The following TRIQK variants were observed in gnomAD, a reference collection of about 807,000 sequenced individuals.
TRIQK encodes the protein triple QxxK/R motif-containing protein.
In TRIQK, 10 loss-of-function variants were observed where a neutral mutation model predicts 10.8. That is an observed-to-expected ratio of 0.92 (90% CI 0.57 to 1.57). The LOEUF (loss-of-function observed/expected upper bound fraction) is 1.57, where lower values mean the gene tolerates loss of function less well. Ranked by LOEUF, TRIQK falls within the 40% of genes most tolerant of loss-of-function variation. The pLI is 0.00. For synonymous variants in TRIQK, 33 were observed against 33.7 expected (o/e 0.98, Z 0.07); for missense variants, 107 against 97.7 (o/e 1.09, Z -0.40).
At chr8:93,010,641 A>T (rs1813322544) in intron 1 of TRIQK, among the ~76,000 whole-genome samples, 1 of 152,132 alleles carries the variant, frequency 6.6e-6, no homozygotes, top group African/African-American at 2.4e-5. Context: ...CTAGTTTCGC[A>T]TCCATTTAGT....
chr8:92,996,327 G>A (rs1241334078), intron 1 of TRIQK, among the ~76,000 whole-genome samples: 1 of 151,858 alleles, frequency 6.6e-6, no homozygotes, highest in African/African-American at 2.4e-5. Flanking sequence ...TGTTCTCATG[G>A]CATTTTAATT....
At chr8:92,927,618 T>A (rs547072880) in intron 2 of TRIQK, among the ~76,000 whole-genome samples, 24 of 152,278 alleles carry the variant, frequency 1.6e-4, no homozygotes, top group Admixed American at 1.4e-3. Context: ...GAAAACATTA[T>A]GGCAGATATG....
chr8:92,891,891 T>A, intron 4 of TRIQK, 98 bp downstream of exon 4: 2 of 855,024 alleles, frequency 2.3e-6, no homozygotes, highest in East Asian at 5.8e-5. Context: ...TTGTGAAATG[T>A]CATAAAACAT....
chr8:92,946,101 G>A (rs1201437409), intron 2 of TRIQK, among the ~76,000 whole-genome samples: 2 of 152,000 alleles, frequency 1.3e-5, no homozygotes, highest in Non-Finnish European at 2.9e-5. Context: ...AGAAAATAAT[G>A]AGTAAATTAT....
chr8:92,994,065 T>G (rs937204734), intron 1 of TRIQK, among the ~76,000 whole-genome samples: 4 of 152,184 alleles, frequency 2.6e-5, no homozygotes, highest in African/African-American at 9.6e-5. Flanking sequence ...CAGAACTGAC[T>G]AAAGAGCCCT....
At chr8:92,994,727 A>G (rs756987536) in intron 1 of TRIQK, among the ~76,000 whole-genome samples, 19 of 151,978 alleles carry the variant, frequency 1.3e-4, no homozygotes, top group Non-Finnish European at 2.9e-5. Flanking sequence ...CAAACCAGAT[A>G]CCACCTCTGA....
intron 2 of TRIQK, among the ~76,000 whole-genome samples, chr8:92,927,027 G>A (rs1810480022): frequency 6.6e-6 from 1 of 151,954 alleles, no homozygotes; most frequent in South Asian, 2.1e-4. Flanking sequence ...CTCCAGCTTG[G>A]GCAACAGACT....
intron 1 of TRIQK, among the ~76,000 whole-genome samples, chr8:93,000,882 T>TAAAAA (rs60359673): frequency 9.8e-5 from 12 of 122,184 alleles, no homozygotes; most frequent in African/African-American, 2.2e-4. Flanking sequence ...CACAAAGGAT[T>TAAAAA]AAAAAAAAAA....
At chr8:93,000,841 C>G (rs1334290054) in intron 1 of TRIQK, among the ~76,000 whole-genome samples, 1 of 133,918 alleles carries the variant, frequency 7.5e-6, no homozygotes, top group Non-Finnish European at 1.6e-5. Flanking sequence ...AGAATTAATT[C>G]AAAACATAGC....
In TRIQK at chr8:92,946,892, T is replaced by C. The variant is rs571670502; in HGVS notation, c.-22+7514A>G. Among the ~76,000 whole-genome samples, 170 of 151,994 alleles carry C rather than the reference T, an allele frequency of 1.1e-3. 1 individual carries two copies. The highest frequency in any genetic ancestry group is 4.0e-3 in the African/African-American group (167 of 41,484). On this transcript the variant is annotated intron_variant, in intron 2 of 4. Transcript: ENST00000521988. ...TCTCCTGCCTCAGCCTCAGAGTAGC[T>C]GGGACCGCAGGCGCCTGCCACCACG...
chr8:92,964,004 T>C (rs1047669555), intron 1 of TRIQK: 10 of 152,124 alleles, frequency 6.6e-5, no homozygotes, highest in African/African-American at 2.4e-4. Context: ...CAAAGGGCAT[T>C]TGGGATAAAA....
At chr8:92,953,762 T>A (rs1812030097) in intron 2 of TRIQK, 1 of 151,948 alleles carries the variant, frequency 6.6e-6, no homozygotes, top group African/African-American at 2.4e-5. Context: ...TTAGACCAGT[T>A]TAAGAGCTTT....
rs189192557 is a variant in TRIQK, at chr8:92,957,812, G to A, written c.-180-3248C>T. Among the ~76,000 whole-genome samples, 6 of 151,864 alleles carry A rather than the reference G, an allele frequency of 4.0e-5. No individual in the cohort carries two copies. The East Asian group carries it at 5.8e-4, about 15-fold the overall frequency. On this transcript the variant is annotated intron_variant, in intron 1 of 4. Transcript: ENST00000521988. ...ATTCTAAAAAAGTTTAATGATTTAC[G>A]TTTATTTAACAGCCTGCTCACATAA...
chr8:93,007,242 T>C (rs1179974176), intron 1 of TRIQK, among the ~76,000 whole-genome samples: 1 of 152,104 alleles, frequency 6.6e-6, no homozygotes, highest in Non-Finnish European at 1.5e-5. Context: ...CCCAGCAAAC[T>C]GCAGCAGCCC....
At chr8:92,951,923 C>A (rs1001528516) in intron 2 of TRIQK, among the ~76,000 whole-genome samples, 2 of 152,070 alleles carry the variant, frequency 1.3e-5, no homozygotes, top group Non-Finnish European at 2.9e-5. Context: ...AAAGCCAATG[C>A]TCACTAAATG....
rs974340457 is a variant in TRIQK at position 92,884,103 on chromosome 8, T to A, written c.*2519A>T. On this transcript the variant is annotated 3_prime_UTR_variant, in exon 5 of 5. Coordinates refer to ENST00000521988, the MANE Select transcript of TRIQK (RefSeq NM_001171797.2). The stretch of plus-strand genomic sequence containing the variant: ...AAATCATTACAATTTTTTCTGTTTT[T>A]GTCTTCTAAATTACTCTGAGCAGTG... 6.6e-6 allele frequency: 1 copy of A among 151,840 alleles called. No individual in the cohort carries two copies. The highest frequency in any genetic ancestry group is 6.6e-5 in the Admixed American group (1 of 15,188). 9.4% of individuals were successfully genotyped at this position (151,840 alleles called of 1,614,324 possible).
At chr8:92,906,135 G>T (rs1030693402) in intron 3 of TRIQK, among the ~76,000 whole-genome samples, 5 of 152,100 alleles carry the variant, frequency 3.3e-5, no homozygotes, top group Admixed American at 6.6e-5. Flanking sequence ...GCCAAAATTT[G>T]AGTAGTATAT....
intron 2 of TRIQK, among the ~76,000 whole-genome samples, chr8:92,924,918 T>C (rs1188224803): frequency 6.6e-6 from 1 of 152,018 alleles, no homozygotes; most frequent in African/African-American, 2.4e-5. Context: ...CCAGTTCACC[T>C]ATACTTTGAC....
chr8:92,960,875 T>C (rs1455120389), intron 1 of TRIQK, among the ~76,000 whole-genome samples: 1 of 152,186 alleles, frequency 6.6e-6, no homozygotes, highest in Non-Finnish European at 1.5e-5. Context: ...AGTCACTAAA[T>C]GTGGGGTAAT....
Sources: allele counts gnomAD v4.1 joint callset (sites outside exome capture counted in the v4.1 genomes callset), GRCh38; gene constraint gnomAD v4.1.1; transcripts MANE v1.5; gene names NCBI Gene and HGNC (gene_info 2026-07-23, HGNC 2026-07-21).